TENM3: variants seen among roughly 807,000 people sequenced by gnomAD.
TENM3 encodes teneurin-3.
TENM3 carries 63 observed loss-of-function variants against 255.1 expected under a neutral mutation model. The ratio of observed to expected loss-of-function variants is 0.25; its 90% CI spans 0.20 to 0.30. The LOEUF (loss-of-function observed/expected upper bound fraction) is 0.30, where lower values mean the gene tolerates loss of function less well. Among genes scored for constraint, TENM3 ranks in the 10% least tolerant of loss-of-function variants. The pLI, the probability that TENM3 is intolerant of heterozygous loss-of-function variation, is 1.00. For missense variants in TENM3, 2,929 were observed against 3,461.1 expected (o/e 0.85, Z 3.86); for synonymous variants, 1,306 against 1,322.3 (o/e 0.99, Z 0.27).
At chr4:181,516,186 C>G in the TENM3 span, among the ~76,000 whole-genome samples, 1 of 151,760 alleles carries the variant, frequency 6.6e-6, no homozygotes, top group Non-Finnish European at 1.5e-5. Flanking sequence ...AGGGGAACAA[C>G]ACACACTGTG....
the TENM3 span, among the ~76,000 whole-genome samples, chr4:181,869,077 T>C: frequency 6.6e-6 from 1 of 152,160 alleles, no homozygotes; most frequent in African/African-American, 2.4e-5. Flanking sequence ...ACATTATTAA[T>C]TTCCATTTTA....
chr4:182,637,678 C>A (rs1219674181), intron 5 of TENM3, among the ~76,000 whole-genome samples: 1 of 152,188 alleles, frequency 6.6e-6, no homozygotes, highest in Non-Finnish European at 1.5e-5. Context: ...ATGGGTCAGA[C>A]ACTGTGACAG....
chr4:181,902,757 C>A, the TENM3 span, among the ~76,000 whole-genome samples: 1 of 151,806 alleles, frequency 6.6e-6, no homozygotes. Context: ...CATACCAGGG[C>A]CTGTCAGGGG....
chr4:181,822,290 G>A, the TENM3 span, among the ~76,000 whole-genome samples: 1 of 152,134 alleles, frequency 6.6e-6, no homozygotes, highest in African/African-American at 2.4e-5. Flanking sequence ...CTTTAATAGT[G>A]AGTTTATTAC....
chr4:181,722,770 A>ATTAATTATC, the TENM3 span, among the ~76,000 whole-genome samples: 2 of 152,156 alleles, frequency 1.3e-5, no homozygotes, highest in Non-Finnish European at 2.9e-5. Context: ...TTTCATGATG[A>ATTAATTATC]TTAATTATCT....
the TENM3 span, among the ~76,000 whole-genome samples, chr4:181,878,911 A>G: frequency 6.6e-6 from 1 of 152,048 alleles, no homozygotes; most frequent in Non-Finnish European, 1.5e-5. Flanking sequence ...CTCTTTGTCT[A>G]TTGGTCTATG....
chr4:182,414,534 G>C (rs1315246210), intron 3 of TENM3, among the ~76,000 whole-genome samples: 1 of 152,096 alleles, frequency 6.6e-6, no homozygotes, highest in Non-Finnish European at 1.5e-5. Context: ...AGGAAACCGA[G>C]CTTTATTTTT....
chr4:182,779,480 C>T (rs1353428963), intron 24 of TENM3, among the ~76,000 whole-genome samples: 1 of 152,096 alleles, frequency 6.6e-6, no homozygotes, highest in Non-Finnish European at 1.5e-5. Flanking sequence ...TGGGTTGGTT[C>T]CAAGTCTTTG....
chr4:181,466,709 A>C, the TENM3 span, among the ~76,000 whole-genome samples: 1 of 152,156 alleles, frequency 6.6e-6, no homozygotes, highest in African/African-American at 2.4e-5. Context: ...CTGATTTCAT[A>C]CTTGAGACAG....
At chr4:182,212,363 G>A (rs1345103692) in intron 1 of TENM3, among the ~76,000 whole-genome samples, 1 of 152,180 alleles carries the variant, frequency 6.6e-6, no homozygotes, top group Non-Finnish European at 1.5e-5. Flanking sequence ...ACTTGAAGGA[G>A]AGTGCCGCAG....
the TENM3 span, among the ~76,000 whole-genome samples, chr4:181,660,444 C>T: frequency 6.6e-6 from 1 of 152,098 alleles, no homozygotes; most frequent in Non-Finnish European, 1.5e-5. Flanking sequence ...CCACTGAGAG[C>T]TTTTCTATGA....
the TENM3 span, among the ~76,000 whole-genome samples, chr4:181,838,700 C>T: frequency 9.2e-5 from 14 of 151,968 alleles, no homozygotes; most frequent in African/African-American, 1.4e-4. Flanking sequence ...AAAATGTATT[C>T]GTGTGAATCT....
chr4:182,005,773 G>A, the TENM3 span, among the ~76,000 whole-genome samples: 1 of 152,236 alleles, frequency 6.6e-6, no homozygotes, highest in Admixed American at 6.5e-5. Flanking sequence ...TCTCCTTGAA[G>A]AGGTCCCTCA....
intron 3 of TENM3, among the ~76,000 whole-genome samples, chr4:182,491,791 G>A (rs1175901754): frequency 6.6e-6 from 1 of 152,192 alleles, no homozygotes; most frequent in Non-Finnish European, 1.5e-5. Flanking sequence ...CAATAGTATT[G>A]CATTACACTG....
intron 3 of TENM3, among the ~76,000 whole-genome samples, chr4:182,370,823 G>A (rs1210582599): frequency 6.6e-6 from 1 of 152,162 alleles, no homozygotes; most frequent in Non-Finnish European, 1.5e-5. Context: ...GTTGCTAAAG[G>A]ACCTGCCAAA....
chr4:181,592,250 A>AACAGAAACAC, the TENM3 span, among the ~76,000 whole-genome samples: 16 of 126,834 alleles, frequency 1.3e-4, no homozygotes, highest in African/African-American at 2.2e-4. Context: ...AAGCTGTTTA[A>AACAGAAACAC]ACACAAACAC....
chr4:182,393,213 G>A (rs377530800), intron 3 of TENM3, among the ~76,000 whole-genome samples: 2 of 152,122 alleles, frequency 1.3e-5, no homozygotes, highest in South Asian at 4.1e-4. Context: ...TTGTTGACAA[G>A]TCATTAGGAA....
the TENM3 span, among the ~76,000 whole-genome samples, chr4:181,756,382 C>A: frequency 6.6e-6 from 1 of 152,128 alleles, no homozygotes; most frequent in African/African-American, 2.4e-5. Context: ...AAATCAATTT[C>A]TTTGCTGATT....
At chr4:182,030,052 T>TTTGTTGTTGTTGTTGTTGTTG in the TENM3 span, among the ~76,000 whole-genome samples, 1 of 134,756 alleles carries the variant, frequency 7.4e-6, no homozygotes, top group African/African-American at 2.8e-5. Flanking sequence ...TCAATGCATC[T>TTTGTTGTTGTTGTTGTTGTTG]TTGTTGTTGT....
Sources: allele counts gnomAD v4.1 joint callset (sites outside exome capture counted in the v4.1 genomes callset), GRCh38; gene constraint gnomAD v4.1.1; transcripts MANE v1.5; gene names NCBI Gene and HGNC (gene_info 2026-07-23, HGNC 2026-07-21).